Variants in SPEF2 observed in about 807,000 individuals in gnomAD.
SPEF2 encodes the protein sperm flagellar and cilia associated 2.
In SPEF2, 187 loss-of-function variants were observed where a neutral mutation model predicts 224.6. The ratio of observed to expected loss-of-function variants is 0.83; its 90% CI spans 0.74 to 0.94. The LOEUF is 0.94. Ranked by LOEUF, SPEF2 falls within the 40% of genes least tolerant of loss-of-function variation. The pLI is 0.00. For synonymous variants in SPEF2, 715 were observed against 707.3 expected, an observed-to-expected ratio of 1.01 and a Z score of -0.17; for missense variants, 2,170 against 2,135.6, an observed-to-expected ratio of 1.02 and a Z score of -0.32.
At chr5:35,677,497 G>A (rs1051278996) in intron 10 of SPEF2, among the ~76,000 whole-genome samples, 27 of 152,182 alleles carry the variant, frequency 1.8e-4, no homozygotes, top group Admixed American at 4.6e-4. Context: ...AGTGACCTTA[G>A]AGTCTTATTT....
chr5:35,782,817 C>T (rs1389131043), intron 30 of SPEF2, among the ~76,000 whole-genome samples: 1 of 152,174 alleles, frequency 6.6e-6, no homozygotes, highest in Non-Finnish European at 1.5e-5. Context: ...ATATTCAACA[C>T]TCCTTTTCTG....
chr5:35,793,044 C>A, intron 31 of SPEF2, 115 bp from the exon 32 acceptor site: 2 of 864,310 alleles, frequency 2.3e-6, no homozygotes, highest in Non-Finnish European at 3.6e-6. Context: ...ATTCTATGTG[C>A]CAGTGAAAAG....
intron 10 of SPEF2, among the ~76,000 whole-genome samples, chr5:35,690,245 T>C (rs1156757054): frequency 1.3e-5 from 2 of 152,208 alleles, no homozygotes; most frequent in Admixed American, 1.3e-4. Context: ...ACTAGCTATT[T>C]TGAAATATTC....
chr5:35,644,046 AAAAT>A (rs1355873235), intron 3 of SPEF2, among the ~76,000 whole-genome samples: 3 of 152,154 alleles, frequency 2.0e-5, no homozygotes, highest in African/African-American at 4.8e-5. Context: ...TTTTGCAAAA[AAAAT>A]AAATAAAATT....
At chr5:35,665,826 T>C (rs984061358) in intron 8 of SPEF2, among the ~76,000 whole-genome samples, 2 of 152,140 alleles carry the variant, frequency 1.3e-5, no homozygotes, top group Admixed American at 6.6e-5. Flanking sequence ...AATTCCTGAA[T>C]CTGTCAAATG....
intron 13 of SPEF2, among the ~76,000 whole-genome samples, chr5:35,695,501 G>C (rs747709343): frequency 5.9e-5 from 9 of 152,084 alleles, no homozygotes; most frequent in Non-Finnish European, 1.0e-4. Context: ...AGCAGGGAAG[G>C]GAGGGAGGTA....
intron 10 of SPEF2, among the ~76,000 whole-genome samples, chr5:35,690,608 G>T (rs1754306453): frequency 6.6e-6 from 1 of 152,088 alleles, no homozygotes; most frequent in African/African-American, 2.4e-5. Flanking sequence ...TAAAGCGGGA[G>T]TTAAACACGG....
chr5:35,624,380 C>T (rs1471597346), intron 1 of SPEF2, among the ~76,000 whole-genome samples: 4 of 152,074 alleles, frequency 2.6e-5, no homozygotes, highest in African/African-American at 9.7e-5. Context: ...TATCATATTC[C>T]TCCATTGTTC....
intron 36 of SPEF2, among the ~76,000 whole-genome samples, chr5:35,810,599 G>A (rs1006263893): frequency 3.9e-5 from 6 of 152,140 alleles, no homozygotes; most frequent in African/African-American, 1.4e-4. Flanking sequence ...GAGGATAACT[G>A]TCCCAAGTGT....
At chr5:35,667,668 A>C (rs1750673742) in intron 9 of SPEF2, among the ~76,000 whole-genome samples, 1 of 152,164 alleles carries the variant, frequency 6.6e-6, no homozygotes, top group Non-Finnish European at 1.5e-5. Context: ...TCTGCAAAAG[A>C]CAAAACTTTA....
rs982320637 is a variant in SPEF2 at position 35,631,172 on chromosome 5, G to A, written c.161+2610G>A. On this transcript the variant is annotated intron_variant, in intron 2 of 36. Coordinates refer to ENST00000356031, the MANE Select transcript of SPEF2 (RefSeq NM_024867.4). ...CAAGCCACATCTTACATTGATGGTA[G>A]CAGGCAAAGAGAGAGGTTGTGCAGA... is the stretch of plus-strand genomic sequence containing the variant. Among the ~76,000 whole-genome samples the A allele has an allele frequency of 3.9e-5, 6 of 152,190 alleles. No homozygotes were observed. In the East Asian group the frequency reaches 5.8e-4, roughly 15 times the overall value.
intron 10 of SPEF2, chr5:35,675,867 T>C: frequency 2.0e-5 from 9 of 454,674 alleles, no homozygotes; most frequent in South Asian, 1.4e-4. Flanking sequence ...CTAATTGTTG[T>C]AGGCCAAGGA....
intron 21 of SPEF2, among the ~76,000 whole-genome samples, chr5:35,736,089 G>A (rs1026398123): frequency 4.6e-5 from 7 of 152,174 alleles, no homozygotes; most frequent in East Asian, 1.9e-4. Context: ...ATTTCTCAAC[G>A]TAAGCTTCAA....
At chr5:35,718,081 A>G (rs1280109108) in intron 20 of SPEF2, among the ~76,000 whole-genome samples, 1 of 152,174 alleles carries the variant, frequency 6.6e-6, no homozygotes, top group African/African-American at 2.4e-5. Flanking sequence ...AAACAAAACA[A>G]GGGGAGGGAT....
intron 23 of SPEF2, among the ~76,000 whole-genome samples, chr5:35,748,088 T>C (rs1748842672): frequency 6.6e-6 from 1 of 152,124 alleles, no homozygotes; most frequent in Non-Finnish European, 1.5e-5. Context: ...GAATAAGCAT[T>C]GGATCAAAAA....
intron 23 of SPEF2, among the ~76,000 whole-genome samples, chr5:35,743,130 G>C (rs1561293469): frequency 6.6e-6 from 1 of 151,324 alleles, no homozygotes; most frequent in African/African-American, 2.4e-5. Context: ...TACGTGGTTA[G>C]ATATGGTGGA....
intron 20 of SPEF2, among the ~76,000 whole-genome samples, chr5:35,713,337 A>G (rs766659097): frequency 2.6e-5 from 4 of 152,318 alleles, no homozygotes; most frequent in Non-Finnish European, 4.4e-5. Context: ...ACTAAAGCAG[A>G]ACATTTAATT....
chr5:35,671,404 A>G, intron 10 of SPEF2: 5 of 971,670 alleles, frequency 5.1e-6, no homozygotes, highest in Non-Finnish European at 6.1e-6. Context: ...TTAAGGATTG[A>G]CTAGAACCTT....
chr5:35,744,476 T>A (rs1748149491), intron 23 of SPEF2, among the ~76,000 whole-genome samples: 13 of 152,232 alleles, frequency 8.5e-5, no homozygotes. Flanking sequence ...AATAGAGAGC[T>A]TCTGCTGTTG....
Sources: gnomAD v4.1 joint callset for allele counts (sites outside exome capture counted in the v4.1 genomes callset) on GRCh38, gnomAD v4.1.1 for gene constraint, MANE v1.5 for transcripts, NCBI Gene and HGNC (gene_info 2026-07-23, HGNC 2026-07-21) for gene names.